Variants in C8orf34 observed in about 807,000 individuals in gnomAD.
C8orf34 encodes uncharacterized protein C8orf34.
Under a neutral mutation model 68.3 loss-of-function variants are expected in C8orf34, and 65 were observed. The ratio of observed to expected loss-of-function variants is 0.95; its 90% confidence interval spans 0.78 to 1.17. The LOEUF is 1.17. Ranked by LOEUF, C8orf34 falls within the 50% of genes most tolerant of loss-of-function variation. The probability of loss-of-function intolerance (pLI) is 0.00; values close to 1 mark genes in which losing one functional copy is unlikely to be tolerated. For missense variants in C8orf34, 664 were observed against 655.4 expected, an observed-to-expected ratio of 1.01 and a Z score of -0.14; for synonymous variants, 244 against 241.2, an observed-to-expected ratio of 1.01 and a Z score of -0.11.
chr8:68,621,281 T>C (rs945604247), intron 7 of C8orf34, among the ~76,000 whole-genome samples: 13 of 152,136 alleles, frequency 8.5e-5, no homozygotes, highest in African/African-American at 3.1e-4. Flanking sequence ...GAAAAGCTGC[T>C]ACAAGCTGAC....
intron 10 of C8orf34, among the ~76,000 whole-genome samples, chr8:68,763,448 C>T (rs1823078116): frequency 1.3e-5 from 2 of 151,262 alleles, no homozygotes; most frequent in South Asian, 4.1e-4. Flanking sequence ...CTCCCTTTTT[C>T]TTCTTCTTCT....
At chr8:68,571,292 C>T (rs1343142402) in intron 7 of C8orf34, among the ~76,000 whole-genome samples, 1 of 152,134 alleles carries the variant, frequency 6.6e-6, no homozygotes, top group Non-Finnish European at 1.5e-5. Context: ...CATAATAAGG[C>T]ACTTTTTAAA....
intron 1 of C8orf34, among the ~76,000 whole-genome samples, chr8:68,426,602 A>G (rs1452108133): frequency 2.0e-5 from 3 of 151,692 alleles, no homozygotes; most frequent in Non-Finnish European, 4.4e-5. Context: ...TCCAAATTAC[A>G]TATCCAACAA....
At position 68,710,609 on chromosome 8, in the gene C8orf34, A is replaced by G. The variant is rs148993382; in HGVS notation, c.1327+1530A>G. 7.4e-4 allele frequency among the ~76,000 whole-genome samples: 113 copies of G among 152,258 alleles called. 2 individuals are homozygous for G. The East Asian group carries it at 0.015, about 20-fold the overall frequency. On this transcript the variant is annotated intron_variant, in intron 9 of 13. Coordinates refer to ENST00000518698, the MANE Select transcript of C8orf34 (RefSeq NM_052958.4). ...ACTGAGAACCACACCCCCATCCACC[A>G]CAGCAGAAACAGCAAGCCCCATATA... is the stretch of plus-strand genomic sequence containing the variant.
At chr8:68,468,941 A>G (rs1376924462) in intron 4 of C8orf34, 121 bp downstream of exon 4, 1 of 1,073,662 alleles carries the variant, frequency 9.3e-7, no homozygotes, top group Non-Finnish European at 1.3e-6. Flanking sequence ...GAGGCTGAGT[A>G]GTTCTAAGGG....
chr8:68,456,107 T>A (rs1180038541), intron 3 of C8orf34, among the ~76,000 whole-genome samples: 5 of 144,680 alleles, frequency 3.5e-5, no homozygotes, highest in Non-Finnish European at 6.0e-5. Flanking sequence ...AAAAAAAAAA[T>A]TAGCAGGGCG....
At chr8:68,742,612 G>A (rs992427878) in intron 10 of C8orf34, among the ~76,000 whole-genome samples, 1 of 152,066 alleles carries the variant, frequency 6.6e-6, no homozygotes, top group Non-Finnish European at 1.5e-5. Context: ...CGACTTTCCT[G>A]CAGGCTATGG....
chr8:68,392,706 C>T (rs1187672721), intron 1 of C8orf34, among the ~76,000 whole-genome samples: 1 of 152,066 alleles, frequency 6.6e-6, no homozygotes, highest in Non-Finnish European at 1.5e-5. Flanking sequence ...CAAGAATCCA[C>T]TTGAAACGAG....
Position 68,573,968 on chromosome 8 carries a change from A to G in C8orf34, c.1105+40819A>G, listed in dbSNP as rs191398480. 1.3e-3 allele frequency among the ~76,000 whole-genome samples: 196 copies of G among 152,306 alleles called. 6 individuals are homozygous for G. Among genetic ancestry groups the G allele is most frequent in the South Asian group, 3.5e-3 (17 of 4,826 alleles). On this transcript the variant is annotated intron_variant, in intron 7 of 13. Coordinates refer to ENST00000518698, the MANE Select transcript of C8orf34 (RefSeq NM_052958.4). ...CATATTCTTATCTTGCACATTTTCA[A>G]TGAGCATTAGATGATCAAAAGTTTT...
chr8:68,790,485 C>A (rs191070682), intron 12 of C8orf34, among the ~76,000 whole-genome samples: 2 of 152,252 alleles, frequency 1.3e-5, no homozygotes, highest in Non-Finnish European at 2.9e-5. Flanking sequence ...AGGGGTAATG[C>A]ATATTTCTTA....
At chr8:68,751,032 G>A (rs554229509) in intron 10 of C8orf34, among the ~76,000 whole-genome samples, 3 of 152,202 alleles carry the variant, frequency 2.0e-5, no homozygotes, top group South Asian at 4.1e-4. Flanking sequence ...TTGTTTGAGC[G>A]TATTCTAGCT....
At chr8:68,383,024 A>G (rs1808109426) in intron 1 of C8orf34, among the ~76,000 whole-genome samples, 1 of 152,178 alleles carries the variant, frequency 6.6e-6, no homozygotes, top group Non-Finnish European at 1.5e-5. Context: ...CTTTTGGCCT[A>G]GACATTGAGT....
rs561276073 is a variant in C8orf34 at position 68,592,853 on chromosome 8, C to G, written c.1106-47523C>G. 2.0e-5 allele frequency among the ~76,000 whole-genome samples: 3 copies of G among 152,136 alleles called. No homozygotes were observed. In the South Asian group the frequency reaches 6.2e-4, roughly 32 times the overall value. ...CGAACTTCTGACCTTGTGATTTGCC[C>G]ACTTTGGCCTTCCAAAGTGCTAAGT... is the stretch of plus-strand genomic sequence containing the variant. On this transcript the variant is annotated intron_variant, in intron 7 of 13. Coordinates refer to ENST00000518698, the MANE Select transcript of C8orf34 (RefSeq NM_052958.4).
At chr8:68,735,111 A>G (rs1029475902) in intron 10 of C8orf34, among the ~76,000 whole-genome samples, 1 of 152,202 alleles carries the variant, frequency 6.6e-6, no homozygotes, top group Non-Finnish European at 1.5e-5. Context: ...TGGTGTAGGT[A>G]TGATTGGAAC....
chr8:68,812,283 TTAAG>T (rs1167518688), intron 12 of C8orf34, among the ~76,000 whole-genome samples: 28 of 152,322 alleles, frequency 1.8e-4, no homozygotes, highest in African/African-American at 5.3e-4. Flanking sequence ...AGTAATTACA[TTAAG>T]TATGTTTTCA....
At chr8:68,443,568 T>C (rs1811000423) in intron 2 of C8orf34, among the ~76,000 whole-genome samples, 1 of 146,868 alleles carries the variant, frequency 6.8e-6, no homozygotes, top group African/African-American at 2.5e-5. Context: ...CGAGCTAACT[T>C]TTTTTTTTTT....
rs920827844 is a variant in C8orf34 at position 68,766,349 on chromosome 8, A to C, written c.1405-10050A>C. ...AGAATACATTACATGTTTGGTTTAA[A>C]TTATGTGACTCATATTCATATTTCA... On this transcript the variant is annotated intron_variant, in intron 10 of 13. Coordinates refer to ENST00000518698, the MANE Select transcript of C8orf34 (RefSeq NM_052958.4). Among the ~76,000 whole-genome samples the C allele has an allele frequency of 3.3e-5, 5 of 152,332 alleles. No homozygotes were observed. The East Asian group carries it at 7.7e-4, about 23-fold the overall frequency.
At position 68,764,860 on chromosome 8, in the gene C8orf34, A is replaced by G. The variant is rs76143839; in HGVS notation, c.1405-11539A>G. Among the ~76,000 whole-genome samples the G allele has an allele frequency of 3.6e-3, 553 of 152,296 alleles. 2 individuals carry two copies. The highest frequency in any genetic ancestry group is 0.013 in the African/African-American group (528 of 41,560). ...TTATTAATCAATCTTCCATTCATCC[A>G]TGAATTTACTCCTGAAAACTTATTT... is the stretch of plus-strand genomic sequence containing the variant. On this transcript the variant is annotated intron_variant, in intron 10 of 13. Coordinates refer to ENST00000518698, the MANE Select transcript of C8orf34 (RefSeq NM_052958.4).
At chr8:68,801,460 T>C (rs1824324955) in intron 12 of C8orf34, among the ~76,000 whole-genome samples, 2 of 152,164 alleles carry the variant, frequency 1.3e-5, no homozygotes, top group South Asian at 4.1e-4. Flanking sequence ...TACCTTCCAT[T>C]CCTACCTTGG....
Sources: allele counts gnomAD v4.1 joint callset (sites outside exome capture counted in the v4.1 genomes callset), GRCh38; gene constraint gnomAD v4.1.1; transcripts MANE v1.5; gene names NCBI Gene and HGNC (gene_info 2026-07-23, HGNC 2026-07-21).